FMN2: variants seen among roughly 807,000 people sequenced by gnomAD.
FMN2 encodes the protein formin 2.
A neutral mutation model predicts 142.3 loss-of-function variants in FMN2; 51 were observed. The ratio of observed to expected loss-of-function variants is 0.36; its 90% CI spans 0.29 to 0.45. FMN2 has a LOEUF of 0.45. Among genes scored for constraint, FMN2 ranks in the 20% least tolerant of loss-of-function variants. The probability of loss-of-function intolerance (pLI) is 1.00; values close to 1 mark genes in which losing one functional copy is unlikely to be tolerated. For missense variants in FMN2, 1,936 were observed against 2,122.8 expected (o/e 0.91, Z 1.73); for synonymous variants, 882 against 869.8 (o/e 1.01, Z -0.25).
At chr1:240,220,667 TTGTGTG>T (rs71792127) in intron 6 of FMN2, among the ~76,000 whole-genome samples, 56 of 149,192 alleles carry the variant, frequency 3.8e-4, no homozygotes, top group Middle Eastern at 3.4e-3. Flanking sequence ...GAGTCTGTGT[TTGTGTG>T]TGTGTGTGTG....
intron 8 of FMN2, among the ~76,000 whole-genome samples, chr1:240,314,268 T>A (rs188551736): frequency 2.6e-5 from 4 of 152,010 alleles, no homozygotes; most frequent in African/African-American, 9.7e-5. Flanking sequence ...GACTGTGGTG[T>A]TTTGGGAGGG....
chr1:240,228,998 T>C lies in FMN2; in HGVS notation c.4065+17763T>C, dbSNP rs534601739. On this transcript the variant is annotated intron_variant, in intron 6 of 17. Coordinates refer to ENST00000319653, the MANE Select transcript of FMN2 (RefSeq NM_020066.5). ...TCTGGGAATATAATTAAAACCCCTT[T>C]GGAAAATCCTTTCTGGCCTTCTGGG... 4.6e-5 allele frequency among the ~76,000 whole-genome samples: 7 copies of C among 152,124 alleles called. No individual in the cohort carries two copies. In the South Asian group the frequency reaches 1.5e-3, roughly 32 times the overall value.
chr1:240,310,503 T>C (rs2102986476), intron 8 of FMN2, among the ~76,000 whole-genome samples: 1 of 152,302 alleles, frequency 6.6e-6, no homozygotes, highest in South Asian at 2.1e-4. Flanking sequence ...GAGGACTCAA[T>C]TCCTGTTTAC....
At chr1:240,306,598 T>C (rs1192152349) in intron 8 of FMN2, among the ~76,000 whole-genome samples, 1 of 152,196 alleles carries the variant, frequency 6.6e-6, no homozygotes, top group Non-Finnish European at 1.5e-5. Context: ...TTCATGGTGT[T>C]GTAGCATTCC....
Position 240,092,293 on chromosome 1 carries a change from G to T in FMN2, c.184G>T (p.Gly62Cys), listed in dbSNP as rs1490515728. The change falls in exon 1 of 18, where the codon GGC (glycine) becomes TGC (cysteine). Residue 62 changes from glycine (G) to cysteine (C), a missense_variant. Gly to Cys is a radical substitution (Grantham distance 159). Transcript: ENST00000319653. ...GGGGGGGGES[G>C]KKKSKSDSRA... ...GGGCGGCGGCGGCGGCGGGGAGTCG[G>T]GCAAGAAGAAGAGCAAGTCCGACTC... 6.3e-7 allele frequency: 1 copy of T among 1,591,450 alleles called. No homozygotes were observed. The highest frequency in any genetic ancestry group is 2.3e-5 in the East Asian group (1 of 44,308).
chr1:240,184,426 G>A (rs937241928), intron 3 of FMN2, among the ~76,000 whole-genome samples: 6 of 151,234 alleles, frequency 4.0e-5, no homozygotes, highest in African/African-American at 9.7e-5. Flanking sequence ...AGTAGAGACG[G>A]GGTTTCACCG....
chr1:240,247,427 G>C (rs1256657941), intron 6 of FMN2, among the ~76,000 whole-genome samples: 5 of 151,870 alleles, frequency 3.3e-5, no homozygotes, highest in Admixed American at 2.0e-4. Flanking sequence ...GCTTGAACCT[G>C]GGAGGCGGAG....
chr1:240,144,680 A>G, intron 2 of FMN2: 1 of 1,285,608 alleles, frequency 7.8e-7, no homozygotes, highest in South Asian at 1.2e-5. Context: ...ACAACTGGTG[A>G]GATAAAGGCA....
At position 240,137,018 on chromosome 1, in the gene FMN2, C is replaced by T. The variant is rs1028119373; in HGVS notation, c.1782+13673C>T. 9.0e-5 allele frequency among the ~76,000 whole-genome samples: 13 copies of T among 145,128 alleles called. No individual in the cohort carries two copies. In the East Asian group the frequency reaches 2.6e-3, roughly 29 times the overall value. ...CCAAGAGGCGGACATTGCAGTGAGC[C>T]GAGATCGCGCTACTGCACTCCAGCC... On this transcript the variant is annotated intron_variant, in intron 2 of 17. Transcript: ENST00000319653.
At chr1:240,127,836 G>A (rs1042281880) in intron 2 of FMN2, among the ~76,000 whole-genome samples, 2 of 152,188 alleles carry the variant, frequency 1.3e-5, no homozygotes, top group African/African-American at 4.8e-5. Context: ...GAAGCAGGAA[G>A]GCAGGTGGGA....
intron 7 of FMN2, among the ~76,000 whole-genome samples, chr1:240,265,233 G>A (rs1668758925): frequency 6.6e-6 from 1 of 152,136 alleles, no homozygotes; most frequent in Admixed American, 6.6e-5. Context: ...AAATTTTGCA[G>A]TTTGCATATT....
chr1:240,419,181 C>G (rs1455813854), intron 15 of FMN2, among the ~76,000 whole-genome samples: 1 of 152,200 alleles, frequency 6.6e-6, no homozygotes, highest in Non-Finnish European at 1.5e-5. Flanking sequence ...ACACTTCTGA[C>G]ATTTTTACCC....
At chr1:240,416,262 C>CTTT (rs11417639) in intron 15 of FMN2, among the ~76,000 whole-genome samples, 1,466 of 135,110 alleles carry the variant, frequency 0.011, 60 homozygotes, top group African/African-American at 0.036. Flanking sequence ...CCTTTCCACT[C>CTTT]TTTTTTTTTT....
At position 240,169,088 on chromosome 1, in the gene FMN2, G is replaced by A. The variant is rs559768004; in HGVS notation, c.1783-8833G>A. 2.6e-5 allele frequency among the ~76,000 whole-genome samples: 4 copies of A among 152,306 alleles called. No individual in the cohort carries two copies. The East Asian group carries it at 5.8e-4, about 22-fold the overall frequency. ...TAGCTGGGCGTGGTGGCACATGCCTGTAGTCCCAGCTAATCTGGAGGCTGA... is the reference window on the plus strand; with the variant it reads ...TAGCTGGGCGTGGTGGCACATGCCTATAGTCCCAGCTAATCTGGAGGCTGA... On this transcript the variant is annotated intron_variant, in intron 2 of 17. Transcript: ENST00000319653.
At chr1:240,344,183 A>G (rs1457888463) in intron 13 of FMN2, among the ~76,000 whole-genome samples, 1 of 152,216 alleles carries the variant, frequency 6.6e-6, no homozygotes, top group Non-Finnish European at 1.5e-5. Context: ...AACAATTGTG[A>G]TTTTGACAAA....
At chr1:240,256,646 G>A (rs1266151786) in intron 6 of FMN2, among the ~76,000 whole-genome samples, 1 of 151,958 alleles carries the variant, frequency 6.6e-6, no homozygotes, top group South Asian at 2.1e-4. Flanking sequence ...AGCTACTCAG[G>A]AGGCTGAGTC....
rs750225649 is a variant in FMN2 at position 240,207,573 on chromosome 1, C to T, written c.2761C>T (p.Pro921Ser). The change falls in exon 5 of 18, where the codon CCT (proline) becomes TCT (serine). Residue 921 changes from proline (P) to serine (S), a missense_variant. Physicochemically the swap from Pro to Ser is moderately conservative, Grantham distance 74 (BLOSUM62 -1). Around this residue, in one of 8 missense-constraint regions of FMN2, gnomAD observed 478 missense variants for 462.8 expected, o/e 1.03. Transcript: ENST00000319653. ...PPPPLPGAGI[P>S]PPPPLPGAGI... is the part of the protein sequence containing the mutation. ...CCCTCCTCTTCCCGGAGCGGGCATA[C>T]CTCCTCCGCCGCCTCTACCCGGAGC... 5.8e-5 allele frequency: 93 copies of T among 1,596,286 alleles called. 1 individual carries two copies. In the Admixed American group the frequency reaches 1.2e-3, roughly 20 times the overall value.
chr1:240,184,928 A>ACTTTCTCCCTCCTACACCTTCCCCTTCT (rs1665340957), intron 3 of FMN2, among the ~76,000 whole-genome samples: 1 of 83,148 alleles, frequency 1.2e-5, no homozygotes, highest in African/African-American at 4.7e-5. Flanking sequence ...TGTTCCCTTT[A>ACTTTCTCCCTCCTACACCTTCCCCTTCT]CTTTCTCCCT....
intron 14 of FMN2, among the ~76,000 whole-genome samples, chr1:240,374,750 G>A (rs1275253709): frequency 6.6e-6 from 1 of 152,062 alleles, no homozygotes; most frequent in African/African-American, 2.4e-5. Flanking sequence ...TTGCTTTCTT[G>A]TCCTTCATTT....
Sources: allele counts gnomAD v4.1 joint callset (sites outside exome capture counted in the v4.1 genomes callset), GRCh38; gene constraint gnomAD v4.1.1; regional missense constraint gnomAD v4.1.1; transcripts MANE v1.5; gene names NCBI Gene and HGNC (gene_info 2026-07-23, HGNC 2026-07-21).